Variants in CNTNAP2 observed in about 807,000 individuals in gnomAD.
CNTNAP2 encodes contactin associated protein 2, also known as contactin-associated protein-like 2.
CNTNAP2 carries 98 observed loss-of-function variants against 155.2 expected under a neutral mutation model. The ratio of observed to expected loss-of-function variants is 0.63; its 90% CI spans 0.54 to 0.75. The LOEUF is 0.75. CNTNAP2 is among the 30% of genes least tolerant of loss of function. The probability of loss-of-function intolerance (pLI) is 0.00; values close to 1 mark genes in which losing one functional copy is unlikely to be tolerated. For missense variants in CNTNAP2, 1,727 were observed against 1,688.1 expected (o/e 1.02, Z -0.40); for synonymous variants, 651 against 631.2 (o/e 1.03, Z -0.47).
At chr7:146,944,237 A>T (rs13230428) in intron 3 of CNTNAP2, among the ~76,000 whole-genome samples, 2 of 141,398 alleles carry the variant, frequency 1.4e-5, no homozygotes, top group Admixed American at 6.9e-5. Context: ...TTTTTTTTTC[A>T]AATTGTTGCA....
At chr7:146,432,211 A>G (rs569727753) in intron 1 of CNTNAP2, among the ~76,000 whole-genome samples, 1 of 152,282 alleles carries the variant, frequency 6.6e-6, no homozygotes, top group African/African-American at 2.4e-5. Flanking sequence ...TCAGATGATC[A>G]ATGATCAAGG....
At chr7:148,100,621 A>G (rs893227721) in intron 15 of CNTNAP2, among the ~76,000 whole-genome samples, 26 of 152,240 alleles carry the variant, frequency 1.7e-4, no homozygotes, top group African/African-American at 5.3e-4. Context: ...CCTTAACAAC[A>G]TACAATGGAC....
chr7:148,310,368 G>A (rs1433962915), intron 21 of CNTNAP2, among the ~76,000 whole-genome samples: 1 of 152,202 alleles, frequency 6.6e-6, no homozygotes, highest in Non-Finnish European at 1.5e-5. Flanking sequence ...GGTTTTGGAG[G>A]ACAACTGCAG....
rs188162929 is a variant in CNTNAP2, at chr7:148,337,416, G to A, written c.3476-46233G>A. ...CTAGGCAGCTGAAAACAATCACCCA[G>A]GAAGCTCCTTCACCGTCAGATTCCC... On this transcript the variant is annotated intron_variant, in intron 21 of 23. Coordinates refer to ENST00000361727, the MANE Select transcript of CNTNAP2 (RefSeq NM_014141.6). 5.9e-5 allele frequency among the ~76,000 whole-genome samples: 9 copies of A among 152,248 alleles called. No homozygotes were observed. In the East Asian group the frequency reaches 1.7e-3, roughly 29 times the overall value.
intron 13 of CNTNAP2, among the ~76,000 whole-genome samples, chr7:147,787,580 G>A (rs914100559): frequency 2.6e-5 from 4 of 152,164 alleles, no homozygotes. Context: ...TTAACAAAAA[G>A]CAACAATATT....
intron 3 of CNTNAP2, among the ~76,000 whole-genome samples, chr7:146,846,410 A>G (rs1803842411): frequency 6.6e-6 from 1 of 152,202 alleles, no homozygotes; most frequent in Non-Finnish European, 1.5e-5. Context: ...TATAGAAAAA[A>G]AAACAATTTC....
At chr7:146,144,901 A>G (rs1250945036) in intron 1 of CNTNAP2, among the ~76,000 whole-genome samples, 1 of 152,188 alleles carries the variant, frequency 6.6e-6, no homozygotes, top group Non-Finnish European at 1.5e-5. Context: ...AGTGAATGGA[A>G]GGGCTTAGGT....
At chr7:147,761,548 A>G (rs935245465) in intron 13 of CNTNAP2, among the ~76,000 whole-genome samples, 2 of 152,052 alleles carry the variant, frequency 1.3e-5, no homozygotes, top group Non-Finnish European at 1.5e-5. Context: ...AATTCATCCA[A>G]CCCTTAGGTA....
intron 1 of CNTNAP2, among the ~76,000 whole-genome samples, chr7:146,538,065 C>A (rs1797896867): frequency 6.6e-6 from 1 of 151,916 alleles, no homozygotes; most frequent in Non-Finnish European, 1.5e-5. Flanking sequence ...AATATCCAAG[C>A]CAGTTAGGAG....
chr7:147,924,823 A>G (rs1306315702), intron 14 of CNTNAP2, among the ~76,000 whole-genome samples: 2 of 152,088 alleles, frequency 1.3e-5, no homozygotes, highest in African/African-American at 4.8e-5. Context: ...CAAGTCAGAA[A>G]GAAAGAGAAT....
At chr7:146,336,645 C>T (rs1018777075) in intron 1 of CNTNAP2, among the ~76,000 whole-genome samples, 4 of 152,100 alleles carry the variant, frequency 2.6e-5, no homozygotes, top group South Asian at 4.2e-4. Context: ...TTGTTCACAG[C>T]ATTTCTATTT....
chr7:148,210,058 G>A (rs1795517189), intron 18 of CNTNAP2, among the ~76,000 whole-genome samples: 2 of 152,214 alleles, frequency 1.3e-5, no homozygotes, highest in Non-Finnish European at 2.9e-5. Context: ...ACAGATGGCA[G>A]TTATTACATA....
chr7:146,539,593 G>T (rs909733333), intron 1 of CNTNAP2, among the ~76,000 whole-genome samples: 2 of 151,898 alleles, frequency 1.3e-5, no homozygotes, highest in Non-Finnish European at 2.9e-5. Context: ...ACTAAATTGT[G>T]CATCTTATGG....
At chr7:147,791,882 C>T (rs1036611598) in intron 13 of CNTNAP2, among the ~76,000 whole-genome samples, 2 of 152,230 alleles carry the variant, frequency 1.3e-5, no homozygotes, top group African/African-American at 2.4e-5. Context: ...ACACGGATGT[C>T]ATTTCCTCAT....
At chr7:147,039,676 C>A (rs889066988) in intron 3 of CNTNAP2, among the ~76,000 whole-genome samples, 1 of 152,092 alleles carries the variant, frequency 6.6e-6, no homozygotes, top group Non-Finnish European at 1.5e-5. Context: ...TTATATTCCT[C>A]TGAGTATATT....
intron 6 of CNTNAP2, among the ~76,000 whole-genome samples, chr7:147,128,011 T>G (rs1801275712): frequency 6.6e-6 from 1 of 152,182 alleles, no homozygotes; most frequent in Non-Finnish European, 1.5e-5. Context: ...TTTCTTTCTA[T>G]AAGCGATAGC....
chr7:148,256,208 A>C (rs1286392984), intron 20 of CNTNAP2, among the ~76,000 whole-genome samples: 3 of 152,102 alleles, frequency 2.0e-5, no homozygotes, highest in African/African-American at 7.2e-5. Context: ...TCCATCACCA[A>C]AACCGGTCGA....
At chr7:147,765,712 A>G (rs769209328) in intron 13 of CNTNAP2, among the ~76,000 whole-genome samples, 1 of 152,190 alleles carries the variant, frequency 6.6e-6, no homozygotes, top group Non-Finnish European at 1.5e-5. Context: ...ATTATGATAC[A>G]TCTATTTTAT....
At chr7:146,784,485 C>T (rs969290350) in intron 2 of CNTNAP2, among the ~76,000 whole-genome samples, 1 of 152,116 alleles carries the variant, frequency 6.6e-6, no homozygotes, top group African/African-American at 2.4e-5. Context: ...GATGGGATAA[C>T]CACATCTGAA....
Sources: allele counts gnomAD v4.1 joint callset (sites outside exome capture counted in the v4.1 genomes callset), GRCh38; gene constraint gnomAD v4.1.1; transcripts MANE v1.5; gene names NCBI Gene and HGNC (gene_info 2026-07-23, HGNC 2026-07-21).